ACTR8: variants seen among roughly 807,000 people sequenced by gnomAD.
ACTR8 encodes the protein actin-related protein 8.
ACTR8 carries 70 observed loss-of-function variants against 84.3 expected under a neutral mutation model. That is an observed-to-expected ratio of 0.83 (90% CI 0.68 to 1.01). The LOEUF is 1.01. Among genes scored for constraint, ACTR8 ranks in the 50% least tolerant of loss-of-function variants. The probability of loss-of-function intolerance (pLI) is 0.00; values close to 1 mark genes in which losing one functional copy is unlikely to be tolerated. For missense variants in ACTR8, 672 were observed against 775.4 expected (o/e 0.87, Z 1.58); for synonymous variants, 268 against 275.2 (o/e 0.97, Z 0.26).
downstream of ACTR8, among the ~76,000 whole-genome samples, chr3:53,866,534 T>C (rs1193793754): frequency 6.6e-6 from 1 of 151,988 alleles, no homozygotes; most frequent in Non-Finnish European, 1.5e-5. Context: ...CAGGCTGGAG[T>C]GCAGTGGCGT....
chr3:53,867,585 G>A lies in ACTR8; in HGVS notation c.*1134C>T, dbSNP rs1035824753. On this transcript the variant is annotated 3_prime_UTR_variant, in exon 13 of 13. Coordinates refer to ENST00000335754, the MANE Select transcript of ACTR8 (RefSeq NM_022899.5). ...TGTTCCCTGCTTTTGTCCTTCCCCAGTCTCACCCCCATCTCTAGCCATGGT... is the reference window on the plus strand; with the variant it reads ...TGTTCCCTGCTTTTGTCCTTCCCCAATCTCACCCCCATCTCTAGCCATGGT... 1 of 152,082 alleles carries A rather than the reference G, an allele frequency of 6.6e-6. No homozygotes were observed. Among genetic ancestry groups the A allele is most frequent in the African/African-American group, 2.4e-5 (1 of 41,374 alleles). 9.4% of individuals were successfully genotyped at this position (152,082 alleles called of 1,614,324 possible).
chr3:53,881,865 C>T, intron 1 of ACTR8, 114 bp downstream of exon 1: 1 of 1,492,914 alleles, frequency 6.7e-7, no homozygotes, highest in Non-Finnish European at 9.0e-7. Context: ...ACTCCCCCCA[C>T]CAGGGGCTGG....
chr3:53,876,709 T>C lies in ACTR8; in HGVS notation c.689A>G (p.Tyr230Cys). ...ATCAGGAATTAACAAGATACATCTA[T>C]AATACTAAAAAGAAGAACAAAGATA... ...LEIPLKDLKYYRCILLIPDIY... is the reference protein window; with the variant it reads ...LEIPLKDLKYCRCILLIPDIY... Residue 230 changes from tyrosine (Y) to cysteine (C), a missense_variant, in exon 6 of 13, where the codon TAT becomes TGT. Physicochemically the swap from Tyr to Cys is radical, Grantham distance 194 (BLOSUM62 -2). Coordinates refer to ENST00000335754, the MANE Select transcript of ACTR8 (RefSeq NM_022899.5). 6.8e-7 allele frequency: 1 copy of C among 1,466,706 alleles called. No individual in the cohort carries two copies. The highest frequency in any genetic ancestry group is 1.4e-5 in the African/African-American group (1 of 70,436). The allele number at this position is 1,466,706 out of a possible 1,614,324, so 90.9% of individuals were successfully genotyped here.
chr3:53,866,332 G>A (rs1238511120), downstream of ACTR8, among the ~76,000 whole-genome samples: 7 of 151,548 alleles, frequency 4.6e-5, no homozygotes, highest in East Asian at 2.0e-4. Context: ...TGCAGTAAAC[G>A]GTGATTGTGC....
chr3:53,874,419 A>T, intron 7 of ACTR8, 55 bp from the exon 8 acceptor site: 1 of 1,552,746 alleles, frequency 6.4e-7, no homozygotes, highest in Non-Finnish European at 8.7e-7. Context: ...AAGGTGCAAA[A>T]GGTGTTTGAA....
At chr3:53,877,541 G>T (rs954795726) in intron 4 of ACTR8, 106 bp downstream of exon 4, 2 of 1,342,284 alleles carry the variant, frequency 1.5e-6, no homozygotes, top group Non-Finnish European at 2.1e-6. Context: ...TCAAAGCAGG[G>T]TTATAGAACG....
Position 53,870,207 on chromosome 3 carries a change from C to G in ACTR8, c.1568-62G>C. 6.4e-7 allele frequency: 1 copy of G among 1,574,158 alleles called. No homozygotes were observed. The highest frequency in any genetic ancestry group is 8.7e-7 in the Non-Finnish European group (1 of 1,154,206). ...CCACATCCATAATTCTAGGCCAAGC[C>G]ACCAACACCTCTTGCTTGAGCAAGT... On this transcript the variant is annotated intron_variant, in intron 11 of 12. Coordinates refer to ENST00000335754, the MANE Select transcript of ACTR8 (RefSeq NM_022899.5). The surrounding 1 kb of genome is among the most constrained non-coding windows in gnomAD (Gnocchi z 4.1).
chr3:53,872,295 T>C (rs937771856), intron 10 of ACTR8, 89 bp downstream of exon 10: 22 of 1,357,016 alleles, frequency 1.6e-5, no homozygotes, highest in Admixed American at 2.7e-5. Context: ...TGCTGGAAGA[T>C]AGAACTGATT....
chr3:53,864,935 T>G, downstream of ACTR8: 2 of 1,614,234 alleles, frequency 1.2e-6, no homozygotes, highest in Non-Finnish European at 1.7e-6. Flanking sequence ...ATGGGTCCAG[T>G]GCAGTGGCTT....
chr3:53,860,148 G>A, the ACTR8 span: 2 of 1,613,972 alleles, frequency 1.2e-6, no homozygotes, highest in Admixed American at 1.7e-5. Flanking sequence ...AAGCCGGGAG[G>A]CTGGCTGCCT....
At chr3:53,861,064 T>A in the ACTR8 span, 1 of 152,220 alleles carries the variant, frequency 6.6e-6, no homozygotes, top group Non-Finnish European at 1.5e-5. Flanking sequence ...GCTCAAGGGT[T>A]GCAAGTATCG....
chr3:53,881,309 C>A (rs1700055698), intron 1 of ACTR8, among the ~76,000 whole-genome samples: 1 of 152,190 alleles, frequency 6.6e-6, no homozygotes, highest in Admixed American at 6.5e-5. Flanking sequence ...CGTTTTCCTA[C>A]GTGAATGCTG....
chr3:53,872,272 A>G (rs1699893905), intron 10 of ACTR8, 112 bp downstream of exon 10: 2 of 1,182,014 alleles, frequency 1.7e-6, no homozygotes, highest in South Asian at 2.5e-5. Flanking sequence ...TAAAAGCTAT[A>G]TCAGTGTTAT....
At position 53,868,078 on chromosome 3, in the gene ACTR8, C is replaced by T. The variant is rs1326793026; in HGVS notation, c.*641G>A. The T allele has an allele frequency of 1.3e-5, 2 of 152,128 alleles. No individual in the cohort carries two copies. The highest frequency in any genetic ancestry group is 4.8e-5 in the African/African-American group (2 of 41,412). 9.4% of individuals were successfully genotyped at this position (152,128 alleles called of 1,614,324 possible). A position where few individuals can be genotyped will look rare whatever the true frequency, so the allele number is the denominator to read the frequency against. On this transcript the variant is annotated 3_prime_UTR_variant, in exon 13 of 13. Coordinates refer to ENST00000335754, the MANE Select transcript of ACTR8 (RefSeq NM_022899.5). The stretch of plus-strand genomic sequence containing the variant: ...TTTTCTTTCTTCCTCTAAGCTCACC[C>T]TACGGCATGTCAGGTAACAAAAGCC...
Position 53,882,006 on chromosome 3 carries a change from G to A in ACTR8, c.96C>T (p.Pro32=), listed in dbSNP as rs1266466416. ...CTTGCAGCGACTCCGGCACCAGCGC[G>A]GGCACGATGGGCCGCTTCACGCCGC... ...EQRGVKRPIV[P]ALVPESLQEQ... Residue 32 remains proline, a synonymous_variant, in exon 1 of 13, where the codon CCC becomes CCT. Transcript: ENST00000335754. The A allele has an allele frequency of 6.4e-7, 1 of 1,552,450 alleles. No homozygotes were observed. The highest frequency in any genetic ancestry group is 8.7e-7 in the Non-Finnish European group (1 of 1,147,262).
In ACTR8 at chr3:53,870,165, C is replaced by T; in HGVS notation, c.1568-20G>A. ...CAGATGCTGAAAAGACAGTTGACATCCTCCATGCTTTTTTCTCCACATCCA... is the reference window on the plus strand; with the variant it reads ...CAGATGCTGAAAAGACAGTTGACATTCTCCATGCTTTTTTCTCCACATCCA... On this transcript the variant is annotated intron_variant, in intron 11 of 12. Coordinates refer to ENST00000335754, the MANE Select transcript of ACTR8 (RefSeq NM_022899.5). The surrounding 1 kb of genome is among the most constrained non-coding windows in gnomAD (Gnocchi z 4.1). 6.2e-7 allele frequency: 1 copy of T among 1,605,312 alleles called. No homozygotes were observed. The highest frequency in any genetic ancestry group is 8.5e-7 in the Non-Finnish European group (1 of 1,173,034).
intron 12 of ACTR8, 135 bp downstream of exon 12, chr3:53,869,847 A>AC: frequency 3.8e-6 from 4 of 1,045,584 alleles, no homozygotes; most frequent in Non-Finnish European, 5.4e-6. Flanking sequence ...GGCTTGCTGA[A>AC]ATTAACTTTT....
chr3:53,873,147 C>G lies in ACTR8; in HGVS notation c.1066-20G>C. Reference sequence around the variant, plus strand: ...GATGTCCTGATTCCAGGAAAAGATGCTGTCAGTGAATCAGTAAGAATGCAT... The same window carrying G: ...GATGTCCTGATTCCAGGAAAAGATGGTGTCAGTGAATCAGTAAGAATGCAT... On this transcript the variant is annotated intron_variant, in intron 8 of 12. Transcript: ENST00000335754. 6.3e-7 allele frequency: 1 copy of G among 1,579,362 alleles called. No individual in the cohort carries two copies. The highest frequency in any genetic ancestry group is 1.3e-5 in the African/African-American group (1 of 74,536).
rs1699862103 is a variant in ACTR8, at chr3:53,870,173, C to G, written c.1568-28G>C. ...GAAAAGACAGTTGACATCCTCCATG[C>G]TTTTTTCTCCACATCCATAATTCTA... On this transcript the variant is annotated intron_variant, in intron 11 of 12. Transcript: ENST00000335754. This position sits in a 1 kb window ranked among gnomAD's most constrained non-coding sequence, Gnocchi z 4.1. The G allele has an allele frequency of 6.2e-7, 1 of 1,602,864 alleles. No homozygotes were observed. Among genetic ancestry groups the G allele is most frequent in the Admixed American group, 1.7e-5 (1 of 59,572 alleles).
Sources: allele counts gnomAD v4.1 joint callset (sites outside exome capture counted in the v4.1 genomes callset), GRCh38; gene constraint gnomAD v4.1.1; non-coding constraint Gnocchi (gnomAD v3.1); transcripts MANE v1.5; gene names NCBI Gene and HGNC (gene_info 2026-07-23, HGNC 2026-07-21).